The following CFAP61 variants were observed in gnomAD, a reference collection of about 807,000 sequenced individuals.
The protein encoded by CFAP61 is cilia- and flagella-associated protein 61.
Under a neutral mutation model 135.6 loss-of-function variants are expected in CFAP61, and 107 were observed. The ratio of observed to expected loss-of-function variants is 0.79; its 90% confidence interval spans 0.67 to 0.93. CFAP61 has a LOEUF of 0.93. CFAP61 is among the 40% of genes least tolerant of loss of function. The pLI, the probability that CFAP61 is intolerant of heterozygous loss-of-function variation, is 0.00. For synonymous variants in CFAP61, 575 were observed against 578.5 expected (o/e 0.99, Z 0.09); for missense variants, 1,507 against 1,556.2 (o/e 0.97, Z 0.53).
chr20:20,258,834 C>T (rs376992459), intron 20 of CFAP61, among the ~76,000 whole-genome samples: 19 of 152,308 alleles, frequency 1.2e-4, no homozygotes, highest in African/African-American at 3.8e-4. Flanking sequence ...ACACTGAGGT[C>T]ACTGCCATTG....
chr20:20,071,102 A>G (rs2045673118), intron 3 of CFAP61, 98 bp downstream of exon 3: 13 of 1,206,326 alleles, frequency 1.1e-5, no homozygotes, highest in Admixed American at 8.2e-5. Context: ...ACTGAGCAGT[A>G]TATGACATCA....
intron 6 of CFAP61, among the ~76,000 whole-genome samples, chr20:20,076,495 A>C (rs2046059150): frequency 1.3e-5 from 2 of 152,172 alleles, no homozygotes; most frequent in Admixed American, 1.3e-4. Flanking sequence ...GCCACATGAC[A>C]GACCCCAAGT....
chr20:20,223,111 C>T (rs1301110648), intron 17 of CFAP61, among the ~76,000 whole-genome samples: 1 of 152,152 alleles, frequency 6.6e-6, no homozygotes, highest in Non-Finnish European at 1.5e-5. Flanking sequence ...TTGCCCTTTT[C>T]AAACGTGTTT....
chr20:20,166,483 A>C (rs1420335115), intron 12 of CFAP61, 47 bp downstream of exon 12: 4 of 1,471,718 alleles, frequency 2.7e-6, no homozygotes, highest in Non-Finnish European at 3.8e-6. Context: ...AGCTTAGAGA[A>C]CTTATAGAAA....
chr20:20,152,206 C>CTT (rs2052494989), intron 9 of CFAP61, among the ~76,000 whole-genome samples: 1 of 151,872 alleles, frequency 6.6e-6, no homozygotes, highest in African/African-American at 2.4e-5. Flanking sequence ...ACAAGAAATA[C>CTT]TAAAAAAAGT....
chr20:20,179,054 AG>A (rs1222989888), intron 13 of CFAP61, among the ~76,000 whole-genome samples: 5 of 152,182 alleles, frequency 3.3e-5, no homozygotes, highest in South Asian at 2.1e-4. Context: ...CAAGACATAA[AG>A]GGCATCCAGA....
At chr20:20,323,251 C>G (rs76514322) in intron 25 of CFAP61, 2 of 985,416 alleles carry the variant, frequency 2.0e-6, no homozygotes, top group East Asian at 1.1e-4. Context: ...AGTTATTCAG[C>G]CTTCGTCTTC....
Position 20,239,828 on chromosome 20 carries a change from A to G in CFAP61, c.2061-6289A>G, listed in dbSNP as rs575825197. Among the ~76,000 whole-genome samples the G allele has an allele frequency of 4.6e-5, 7 of 152,322 alleles. No individual in the cohort carries two copies. The East Asian group carries it at 1.3e-3, about 29-fold the overall frequency. On this transcript the variant is annotated intron_variant, in intron 18 of 26. Transcript: ENST00000245957. ...TTTAATTTAAAAAGAGGTTTCCAGT[A>G]GCTGTGTGGAAGATGGGCAGAAGAG... is the stretch of plus-strand genomic sequence containing the variant.
Position 20,290,321 on chromosome 20 carries a change from A to G in CFAP61, c.3146A>G (p.Tyr1049Cys). 1 of 1,613,266 alleles carries G rather than the reference A, an allele frequency of 6.2e-7. No individual in the cohort carries two copies. Among genetic ancestry groups the G allele is most frequent in the Non-Finnish European group, 8.5e-7 (1 of 1,179,142 alleles). ...CTAGGGGGCATTCTTCCTGGGTCTT[A>G]CCATTATCTGCATATTGCCAAGCCT... ...KIQGGILPGS[Y>C]HYLHIAKPAI... Residue 1049 changes from tyrosine to cysteine, a missense_variant, in exon 24 of 27, where the codon TAC becomes TGC. Tyr to Cys is a radical substitution (Grantham distance 194). Coordinates refer to ENST00000245957, the MANE Select transcript of CFAP61 (RefSeq NM_015585.4).
At position 20,059,502 on chromosome 20, in the gene CFAP61, C is replaced by A. The variant is rs374513478; in HGVS notation, c.143+2706C>A. ...GAGTGGTGGCACACACATGTAGTCC[C>A]AGCTACTCAGGAGGCTGAGGCAGGA... On this transcript the variant is annotated intron_variant, in intron 2 of 26. Transcript: ENST00000245957. 8.6e-5 allele frequency among the ~76,000 whole-genome samples: 13 copies of A among 151,802 alleles called. 1 individual carries two copies. In the South Asian group the frequency reaches 2.5e-3, roughly 29 times the overall value.
intron 24 of CFAP61, among the ~76,000 whole-genome samples, chr20:20,296,321 T>TC (rs1331385249): frequency 0.011 from 603 of 55,942 alleles, 16 homozygotes; most frequent in African/African-American, 0.073. Flanking sequence ...CTTCCCTCCT[T>TC]CCTTCCCTTC....
intron 25 of CFAP61, among the ~76,000 whole-genome samples, chr20:20,332,456 T>C (rs564271415): frequency 6.6e-6 from 1 of 152,280 alleles, no homozygotes; most frequent in Admixed American, 6.5e-5. Context: ...AACAACTGGT[T>C]TAACTATTTT....
At chr20:20,085,120 G>A (rs987258338) in intron 6 of CFAP61, 38 of 985,278 alleles carry the variant, frequency 3.9e-5, no homozygotes, top group African/African-American at 3.3e-4. Flanking sequence ...TATAAACTCC[G>A]CATCTTCATC....
At chr20:20,079,903 T>G (rs2046316018) in intron 6 of CFAP61, among the ~76,000 whole-genome samples, 1 of 152,184 alleles carries the variant, frequency 6.6e-6, no homozygotes, top group African/African-American at 2.4e-5. Flanking sequence ...AAAGTGTCTC[T>G]TGTTAGTGTC....
intron 25 of CFAP61, among the ~76,000 whole-genome samples, chr20:20,309,092 C>T (rs1217815336): frequency 6.6e-6 from 1 of 152,164 alleles, no homozygotes; most frequent in Non-Finnish European, 1.5e-5. Context: ...GGCAAACTAA[C>T]AATTGCAAAG....
At chr20:20,178,202 A>G in intron 13 of CFAP61, among the ~76,000 whole-genome samples, 1 of 151,662 alleles carries the variant, frequency 6.6e-6, no homozygotes, top group African/African-American at 2.4e-5. Context: ...CCTTTTGTTT[A>G]GTGACTACAG....
At chr20:20,230,124 CTT>C (rs35675734) in intron 18 of CFAP61, among the ~76,000 whole-genome samples, 3 of 152,088 alleles carry the variant, frequency 2.0e-5, no homozygotes, top group Non-Finnish European at 4.4e-5. Flanking sequence ...AAGTAATTTT[CTT>C]TTTGTGGAGT....
chr20:20,322,721 T>C (rs2057579357), intron 25 of CFAP61: 1 of 985,430 alleles, frequency 1.0e-6, no homozygotes, highest in Non-Finnish European at 1.2e-6. Context: ...ATCTTCCTTC[T>C]GTGGCCTCTC....
intron 21 of CFAP61, among the ~76,000 whole-genome samples, chr20:20,270,857 A>T (rs112164843): frequency 0.27 from 41,082 of 151,922 alleles, 6,011 homozygotes; most frequent in Middle Eastern, 0.33. Context: ...TTTTTAGTAG[A>T]GATGGGGTTT....
Sources: gnomAD v4.1 joint callset for allele counts (sites outside exome capture counted in the v4.1 genomes callset) on GRCh38, gnomAD v4.1.1 for gene constraint, MANE v1.5 for transcripts, NCBI Gene and HGNC (gene_info 2026-07-23, HGNC 2026-07-21) for gene names.